EBF3: variants seen among roughly 807,000 people sequenced by gnomAD.
The protein encoded by EBF3 is transcription factor COE3.
In EBF3, 18 loss-of-function variants were observed where a neutral mutation model predicts 77.1. The observed-to-expected ratio is 0.23, with a 90% CI of 0.16 to 0.35. The LOEUF (loss-of-function observed/expected upper bound fraction) is 0.35, where lower values mean the gene tolerates loss of function less well. Ranked by LOEUF, EBF3 falls within the 10% of genes least tolerant of loss-of-function variation. The pLI is 1.00. For synonymous variants in EBF3, 350 were observed against 343.5 expected, an observed-to-expected ratio of 1.02 and a Z score of -0.21; for missense variants, 558 against 860.0, an observed-to-expected ratio of 0.65 and a Z score of 4.39.
intron 15 of EBF3, 57 bp downstream of exon 15, chr10:129,840,186 TCC>T: frequency 5.4e-6 from 4 of 744,650 alleles, no homozygotes; most frequent in Non-Finnish European, 8.4e-6. Context: ...CCACCCCCAC[TCC>T]CATCCCCACC....
At chr10:129,850,218 G>A (rs1234711494) in intron 10 of EBF3, among the ~76,000 whole-genome samples, 4 of 152,238 alleles carry the variant, frequency 2.6e-5, no homozygotes, top group East Asian at 1.9e-4. Context: ...CTGATGAAAG[G>A]TGATCAGAAA....
chr10:129,954,399 A>T (rs983876601), intron 6 of EBF3, among the ~76,000 whole-genome samples: 6 of 151,282 alleles, frequency 4.0e-5, no homozygotes, highest in African/African-American at 9.8e-5. Flanking sequence ...TTGTAATGGG[A>T]AACAGCCTCA....
chr10:129,894,836 A>G (rs983089574), intron 6 of EBF3, among the ~76,000 whole-genome samples: 4 of 152,156 alleles, frequency 2.6e-5, no homozygotes, highest in African/African-American at 7.2e-5. Context: ...AAGATTCCCA[A>G]TGTTTACATG....
In EBF3 at chr10:129,938,369, ATC is replaced by A. The variant is rs1199648124; in HGVS notation, c.554+18887_554+18888del. Among the ~76,000 whole-genome samples the A allele has an allele frequency of 7.0e-5, 9 of 128,310 alleles. No individual in the cohort carries two copies. The highest frequency in any genetic ancestry group is 9.7e-5 in the Non-Finnish European group (6 of 61,958). 84.2% of individuals were successfully genotyped at this position (128,310 alleles called of 152,430 possible). ...AGCCTGGGCAACATGGCAAAACCCC[ATC>A]TCTATTTAAAAAAAAAAAAAAAAAA... On this transcript the variant is annotated intron_variant, in intron 6 of 16. Coordinates refer to ENST00000440978, the MANE Select transcript of EBF3 (RefSeq NM_001375380.1). The surrounding 1 kb of genome is among the most constrained non-coding windows in gnomAD (Gnocchi z 5.1).
At chr10:129,962,094 C>T in intron 4 of EBF3, 77 bp downstream of exon 4, 3 of 1,382,600 alleles carry the variant, frequency 2.2e-6, no homozygotes, top group South Asian at 1.2e-5. Flanking sequence ...ATCCATTTGT[C>T]AGTGCCCTTG....
chr10:129,904,418 AT>A (rs1311506664), intron 6 of EBF3, among the ~76,000 whole-genome samples: 1 of 152,234 alleles, frequency 6.6e-6, no homozygotes, highest in African/African-American at 2.4e-5. Flanking sequence ...GGACAGACAG[AT>A]GATTAAATGG....
chr10:129,892,649 A>G (rs913755964), intron 6 of EBF3, among the ~76,000 whole-genome samples: 5 of 152,258 alleles, frequency 3.3e-5, no homozygotes, highest in African/African-American at 1.2e-4. Context: ...CTACATAAAT[A>G]GAGTATGATT....
intron 4 of EBF3, among the ~76,000 whole-genome samples, chr10:129,961,504 G>A (rs1471052390): frequency 6.6e-6 from 1 of 152,188 alleles, no homozygotes; most frequent in Non-Finnish European, 1.5e-5. Flanking sequence ...GACCAAGACA[G>A]GTTAAATAAT....
At chr10:129,910,080 C>T (rs1047847687) in intron 6 of EBF3, among the ~76,000 whole-genome samples, 7 of 152,180 alleles carry the variant, frequency 4.6e-5, no homozygotes, top group Non-Finnish European at 1.5e-5. Context: ...GCGTGGAGGC[C>T]GTCAGCAGTG....
chr10:129,857,211 A>T (rs1851314146), intron 10 of EBF3, among the ~76,000 whole-genome samples: 1 of 152,246 alleles, frequency 6.6e-6, no homozygotes, highest in African/African-American at 2.4e-5. Context: ...AGATTAATGT[A>T]AACACTGGAA....
chr10:129,942,285 T>C (rs1183111077), intron 6 of EBF3, among the ~76,000 whole-genome samples: 2 of 152,232 alleles, frequency 1.3e-5, no homozygotes, highest in African/African-American at 2.4e-5. Context: ...TCCAGGACCC[T>C]TCTTTAGCCC....
At position 129,839,092 on chromosome 10, in the gene EBF3, T is replaced by G; in HGVS notation, c.1863A>C (p.Gly621=). The part of the protein sequence containing the change: ...FHFDELMLKK[G]TGKLCLGW ...TTCAAATCACTGATACCTTTCCAGT[T>G]CCTTTTTTGAGCATTAGTTCATCAA... Residue 621 remains glycine, a synonymous_variant, in exon 16 of 17, where the codon GGA becomes GGC. Transcript: ENST00000440978. 1 of 1,304,504 alleles carries G rather than the reference T, an allele frequency of 7.7e-7. No individual in the cohort carries two copies. The allele number at this position is 1,304,504 out of a possible 1,614,324, so 80.8% of individuals were successfully genotyped here.
chr10:129,873,895 A>C (rs1361012451), intron 7 of EBF3, among the ~76,000 whole-genome samples: 10 of 152,228 alleles, frequency 6.6e-5, no homozygotes, highest in African/African-American at 2.4e-4. Context: ...TCTAGCCATT[A>C]GCTTCAGAAA....
chr10:129,943,882 C>T lies in EBF3; in HGVS notation c.554+13376G>A, dbSNP rs1026568628. Among the ~76,000 whole-genome samples the T allele has an allele frequency of 6.6e-6, 1 of 152,300 alleles. No homozygotes were observed. Among genetic ancestry groups the T allele is most frequent in the Non-Finnish European group, 1.5e-5 (1 of 68,028 alleles). On this transcript the variant is annotated intron_variant, in intron 6 of 16. Transcript: ENST00000440978. This position sits in a 1 kb window ranked among gnomAD's most constrained non-coding sequence, Gnocchi z 8.8. ...CAACGTTATGGAGGGCGCTGGCCTT[C>T]GGCGCAGACCCAGCTGAAACCGTAA...
At chr10:129,942,472 A>G (rs1365194458) in intron 6 of EBF3, among the ~76,000 whole-genome samples, 1 of 152,234 alleles carries the variant, frequency 6.6e-6, no homozygotes, top group African/African-American at 2.4e-5. Context: ...TACCCAGAGC[A>G]CCAGCCCCAG....
intron 6 of EBF3, among the ~76,000 whole-genome samples, chr10:129,950,307 C>T (rs1207550975): frequency 6.6e-6 from 1 of 152,206 alleles, no homozygotes; most frequent in African/African-American, 2.4e-5. Flanking sequence ...CCCATCCACT[C>T]GGGCACCACA....
chr10:129,955,828 T>C (rs1053800454), intron 6 of EBF3, among the ~76,000 whole-genome samples: 5 of 152,202 alleles, frequency 3.3e-5, no homozygotes, highest in Non-Finnish European at 7.3e-5. Context: ...AATCCTTCAT[T>C]TAAAGCCAAC....
At chr10:129,896,029 G>A (rs1018691111) in intron 6 of EBF3, among the ~76,000 whole-genome samples, 1 of 152,174 alleles carries the variant, frequency 6.6e-6, no homozygotes, top group Non-Finnish European at 1.5e-5. Flanking sequence ...CTAATTAACA[G>A]TTATTATGGC....
intron 6 of EBF3, among the ~76,000 whole-genome samples, chr10:129,951,379 A>G (rs1160110906): frequency 2.6e-5 from 4 of 152,184 alleles, no homozygotes; most frequent in Non-Finnish European, 4.4e-5. Context: ...TTCCGTCAAC[A>G]TGCCTCCCAG....
Sources: allele counts gnomAD v4.1 joint callset (sites outside exome capture counted in the v4.1 genomes callset), GRCh38; gene constraint gnomAD v4.1.1; non-coding constraint Gnocchi (gnomAD v3.1); transcripts MANE v1.5; gene names NCBI Gene and HGNC (gene_info 2026-07-23, HGNC 2026-07-21).